Variants in VPS50 observed in about 807,000 individuals in gnomAD.
VPS50 encodes syndetin.
VPS50 carries 70 observed loss-of-function variants against 139.7 expected under a neutral mutation model. The ratio of observed to expected loss-of-function variants is 0.50; its 90% CI spans 0.41 to 0.61. The LOEUF (loss-of-function observed/expected upper bound fraction) is 0.61. Among genes scored for constraint, VPS50 ranks in the 20% least tolerant of loss-of-function variants. The pLI is 0.00. For missense variants in VPS50, 921 were observed against 1,133.7 expected (o/e 0.81, Z 2.69); for synonymous variants, 365 against 376.7 (o/e 0.97, Z 0.36).
chr7:93,255,534 A>G (rs1255589824), intron 4 of VPS50, among the ~76,000 whole-genome samples: 2 of 152,206 alleles, frequency 1.3e-5, no homozygotes, highest in African/African-American at 4.8e-5. Flanking sequence ...ACTCTCTATT[A>G]GTAGACAATC....
intron 19 of VPS50, 65 bp from the exon 20 acceptor site, chr7:93,311,101 C>G (rs1797253549): frequency 2.5e-6 from 2 of 789,034 alleles, no homozygotes; most frequent in Non-Finnish European, 4.6e-6. Context: ...AGGGACCTAT[C>G]TGACTAACTT....
chr7:93,357,792 G>A (rs1008783864), intron 27 of VPS50, among the ~76,000 whole-genome samples: 11 of 152,076 alleles, frequency 7.2e-5, no homozygotes, highest in Non-Finnish European at 1.2e-4. Flanking sequence ...AAAGATACTC[G>A]TAGTCTTAAT....
rs1176514329 is a variant in VPS50 at position 93,294,451 on chromosome 7, G to A, written c.1076-94G>A. ...AAACATATTTACTGTATCTTACATA[G>A]ACTTACAATGTGTGAGAGGCCAAAT... On this transcript the variant is annotated intron_variant, in intron 13 of 27. Coordinates refer to ENST00000305866, the MANE Select transcript of VPS50 (RefSeq NM_017667.4). The A allele has an allele frequency of 2.2e-5, 24 of 1,071,244 alleles. No homozygotes were observed. The South Asian group carries it at 4.3e-4, about 19-fold the overall frequency. The allele number at this position is 1,071,244 out of a possible 1,614,324, so 66.4% of individuals were successfully genotyped here.
intron 23 of VPS50, among the ~76,000 whole-genome samples, chr7:93,345,759 CTTTG>C (rs1798372587): frequency 6.6e-6 from 1 of 152,126 alleles, no homozygotes; most frequent in Admixed American, 6.5e-5. Flanking sequence ...CAGAAAAGGC[CTTTG>C]ACAAAATTCA....
At chr7:93,235,555 G>C (rs1794774310) in intron 1 of VPS50, among the ~76,000 whole-genome samples, 1 of 152,156 alleles carries the variant, frequency 6.6e-6, no homozygotes, top group Non-Finnish European at 1.5e-5. Flanking sequence ...AGGTCAGACT[G>C]TGAATATGCT....
At chr7:93,333,170 T>C (rs1243475133) in intron 21 of VPS50, among the ~76,000 whole-genome samples, 4 of 152,198 alleles carry the variant, frequency 2.6e-5, no homozygotes, top group African/African-American at 9.7e-5. Flanking sequence ...AAATAAAATG[T>C]ATTAAATATT....
intron 5 of VPS50, 59 bp from the exon 6 acceptor site, chr7:93,257,335 T>C: frequency 9.6e-7 from 1 of 1,046,152 alleles, no homozygotes; most frequent in South Asian, 1.3e-5. Flanking sequence ...GAGTACTATA[T>C]AAATAAGAAA....
chr7:93,332,722 T>C (rs2117043372), intron 21 of VPS50, among the ~76,000 whole-genome samples: 1 of 152,282 alleles, frequency 6.6e-6, no homozygotes, highest in South Asian at 2.1e-4. Flanking sequence ...CAAATGTTAA[T>C]TGACCGAATC....
chr7:93,277,827 GTTA>G (rs1796204472), intron 12 of VPS50, among the ~76,000 whole-genome samples: 1 of 151,700 alleles, frequency 6.6e-6, no homozygotes, highest in Non-Finnish European at 1.5e-5. Context: ...TTTGTTTATT[GTTA>G]TTTTTCTTAT....
chr7:93,342,193 T>C (rs1229638078), intron 23 of VPS50, among the ~76,000 whole-genome samples: 1 of 152,142 alleles, frequency 6.6e-6, no homozygotes, highest in Non-Finnish European at 1.5e-5. Context: ...GAGTTCCCTT[T>C]CCTAGTCAAA....
At chr7:93,285,345 T>C (rs777807590) in intron 12 of VPS50, among the ~76,000 whole-genome samples, 3 of 152,218 alleles carry the variant, frequency 2.0e-5, no homozygotes, top group Non-Finnish European at 4.4e-5. Flanking sequence ...CCCTAAGACT[T>C]TTCATTTTGA....
intron 2 of VPS50, chr7:93,246,134 G>C: frequency 2.7e-6 from 4 of 1,493,984 alleles, no homozygotes; most frequent in Non-Finnish European, 3.6e-6. Flanking sequence ...ACTTTGGTAA[G>C]ATTATAGCTT....
At chr7:93,247,830 G>A (rs899335878) in intron 2 of VPS50, among the ~76,000 whole-genome samples, 2 of 152,026 alleles carry the variant, frequency 1.3e-5, no homozygotes, top group African/African-American at 4.8e-5. Flanking sequence ...TCTAATGATA[G>A]TATGGGAGAG....
At chr7:93,354,299 CTTT>C (rs199933408) in intron 26 of VPS50, among the ~76,000 whole-genome samples, 63 of 141,182 alleles carry the variant, frequency 4.5e-4, no homozygotes, top group Admixed American at 6.3e-4. Flanking sequence ...TCTTTTCTTT[CTTT>C]TTTTTTTTTT....
intron 16 of VPS50, among the ~76,000 whole-genome samples, chr7:93,298,631 A>G (rs1265026701): frequency 6.6e-6 from 1 of 152,142 alleles, no homozygotes; most frequent in African/African-American, 2.4e-5. Flanking sequence ...TGTTTTACTT[A>G]TTGTCAAAAG....
chr7:93,283,319 C>T (rs1796384092), intron 12 of VPS50, among the ~76,000 whole-genome samples: 1 of 151,842 alleles, frequency 6.6e-6, no homozygotes, highest in African/African-American at 2.4e-5. Context: ...CCTCCACCTC[C>T]CGCGTTCAAC....
chr7:93,264,227 C>T (rs1313355739), intron 9 of VPS50, among the ~76,000 whole-genome samples: 2 of 152,130 alleles, frequency 1.3e-5, no homozygotes, highest in African/African-American at 4.8e-5. Context: ...ATAAAAGATA[C>T]AGTAATCCCA....
intron 20 of VPS50, among the ~76,000 whole-genome samples, chr7:93,321,685 G>T (rs1413528695): frequency 3.3e-5 from 5 of 152,028 alleles, no homozygotes; most frequent in African/African-American, 1.2e-4. Flanking sequence ...ATTTAAAATC[G>T]CCTTTACCTA....
At chr7:93,341,614 T>C in intron 23 of VPS50, 39 bp downstream of exon 23, 1 of 1,424,162 alleles carries the variant, frequency 7.0e-7, no homozygotes, top group Admixed American at 2.2e-5. Flanking sequence ...ATTAAATATT[T>C]AAGAAACTTT....
Sources: gnomAD v4.1 joint callset for allele counts (sites outside exome capture counted in the v4.1 genomes callset) on GRCh38, gnomAD v4.1.1 for gene constraint, MANE v1.5 for transcripts, NCBI Gene and HGNC (gene_info 2026-07-23, HGNC 2026-07-21) for gene names.